Variants in GFOD1 observed in about 807,000 individuals in gnomAD.
GFOD1 encodes the protein Gfo/Idh/MocA-like oxidoreductase domain containing 1, also known as glucose-fructose oxidoreductase domain-containing protein 1.
Under a neutral mutation model 25.4 loss-of-function variants are expected in GFOD1, and 9 were observed. The observed-to-expected ratio is 0.35, with a 90% CI of 0.21 to 0.62. The LOEUF is 0.62. Among genes scored for constraint, GFOD1 ranks in the 20% least tolerant of loss-of-function variants. GFOD1 has a pLI of 0.72. For missense variants in GFOD1, 403 were observed against 556.9 expected (o/e 0.72, Z 2.78); for synonymous variants, 253 against 245.6 (o/e 1.03, Z -0.28).
At chr6:13,446,538 C>T (rs958166161) in intron 1 of GFOD1, among the ~76,000 whole-genome samples, 1 of 152,146 alleles carries the variant, frequency 6.6e-6, no homozygotes, top group East Asian at 1.9e-4. Flanking sequence ...AGAGTCTGAG[C>T]AACAGCCAAG....
At position 13,390,730 on chromosome 6, in the gene GFOD1, AAAAAG is replaced by A. The variant is rs1436107711; in HGVS notation, c.254-25073_254-25069del. On this transcript the variant is annotated intron_variant, in intron 1 of 1. Transcript: ENST00000379287. ...GACAGTGAGACCCTGTGAAAAAAAA[AAAAAG>A]AAAGAAAGACAGGAAGAGAGAGAGA... Among the ~76,000 whole-genome samples the A allele has an allele frequency of 5.9e-3, 833 of 141,576 alleles. 19 individuals carry two copies. The highest frequency in any genetic ancestry group is 0.022 in the African/African-American group (775 of 35,108). 92.9% of individuals were successfully genotyped at this position (141,576 alleles called of 152,430 possible).
rs1562209414 is a variant in GFOD1 at position 13,409,144 on chromosome 6, A to AGAGGAAAGAAAGAAAG, written c.254-43483_254-43482insCTTTCTTTCTTTCCTC. Among the ~76,000 whole-genome samples the AGAGGAAAGAAAGAAAG allele has an allele frequency of 1.3e-4, 5 of 37,394 alleles. No homozygotes were observed. The East Asian group carries it at 2.6e-3, about 20-fold the overall frequency. 24.5% of individuals were successfully genotyped at this position (37,394 alleles called of 152,430 possible). ...AAGAAAGAAAGAAAGAAAGAAAGAA[A>AGAGGAAAGAAAGAAAG]GAAAGAGAGGAAAGAAAGAAAGGAA... On this transcript the variant is annotated intron_variant, in intron 1 of 1. Transcript: ENST00000379287.
chr6:13,432,399 C>T (rs1479337430), intron 1 of GFOD1, among the ~76,000 whole-genome samples: 1 of 151,752 alleles, frequency 6.6e-6, no homozygotes, highest in African/African-American at 2.4e-5. Context: ...TTATTATTTG[C>T]AGAGATGGCA....
intron 1 of GFOD1, among the ~76,000 whole-genome samples, chr6:13,410,327 G>A (rs889121349): frequency 1.1e-4 from 17 of 152,100 alleles, no homozygotes; most frequent in African/African-American, 4.1e-4. Context: ...AGAAGGTTTG[G>A]GAGGCCAAGA....
chr6:13,459,507 G>A (rs1758254706), intron 1 of GFOD1, among the ~76,000 whole-genome samples: 1 of 151,990 alleles, frequency 6.6e-6, no homozygotes, highest in Non-Finnish European at 1.5e-5. Context: ...ATTGACAAAT[G>A]GGATCTAATT....
intron 1 of GFOD1, among the ~76,000 whole-genome samples, chr6:13,372,080 A>C (rs554338929): frequency 2.0e-5 from 3 of 152,362 alleles, no homozygotes; most frequent in East Asian, 3.9e-4. Context: ...TTAAAATTTT[A>C]AGACAATATC....
chr6:13,393,532 A>G (rs1430752096), intron 1 of GFOD1, among the ~76,000 whole-genome samples: 1 of 152,074 alleles, frequency 6.6e-6, no homozygotes, highest in Non-Finnish European at 1.5e-5. Flanking sequence ...AGAGCTCTCC[A>G]TCACGGTACC....
At chr6:13,472,487 T>C (rs1758530975) in intron 1 of GFOD1, among the ~76,000 whole-genome samples, 1 of 152,256 alleles carries the variant, frequency 6.6e-6, no homozygotes, top group South Asian at 2.1e-4. Context: ...AAGCCCTGTT[T>C]AGGTCAACAA....
At chr6:13,384,152 G>C (rs1432434579) in intron 1 of GFOD1, among the ~76,000 whole-genome samples, 1 of 152,144 alleles carries the variant, frequency 6.6e-6, no homozygotes, top group Non-Finnish European at 1.5e-5. Context: ...ACTTGAACCC[G>C]GGGATGGAGG....
chr6:13,459,678 A>G (rs1758257884), intron 1 of GFOD1, among the ~76,000 whole-genome samples: 1 of 152,220 alleles, frequency 6.6e-6, no homozygotes, highest in South Asian at 2.1e-4. Context: ...CCCCATCAAA[A>G]AGTAGGCAAA....
chr6:13,432,572 C>T (rs574299661), intron 1 of GFOD1, among the ~76,000 whole-genome samples: 1 of 152,194 alleles, frequency 6.6e-6, no homozygotes, highest in East Asian at 1.9e-4. Context: ...GGTGAATTTC[C>T]TATTTCCACG....
intron 1 of GFOD1, among the ~76,000 whole-genome samples, chr6:13,396,881 G>A (rs186434250): frequency 6.6e-6 from 1 of 152,212 alleles, no homozygotes; most frequent in African/African-American, 2.4e-5. Context: ...AGAATAATCT[G>A]TATTGTTTTA....
intron 1 of GFOD1, among the ~76,000 whole-genome samples, chr6:13,447,384 T>G (rs959598836): frequency 2.0e-5 from 3 of 152,158 alleles, no homozygotes; most frequent in African/African-American, 7.2e-5. Flanking sequence ...TCCGACATGG[T>G]GTATCAGGGC....
rs751050919 is a variant in GFOD1 at position 13,365,051 on chromosome 6, G to A, written c.865C>T (p.Leu289=). 1.6e-5 allele frequency: 25 copies of A among 1,611,000 alleles called. No individual in the cohort carries two copies. Among genetic ancestry groups the A allele is most frequent in the Non-Finnish European group, 2.1e-5 (25 of 1,179,904 alleles). Residue 289 remains leucine (L), a synonymous_variant, in exon 2 of 2, where the codon CTG becomes TTG. Coordinates refer to ENST00000379287, the MANE Select transcript of GFOD1 (RefSeq NM_018988.4). This position sits in a 1 kb window ranked among gnomAD's most constrained non-coding sequence, Gnocchi z 9.2. ...VQDATPVSNS[L]LPEKAFSDIP... ...TCGCTGAAGGCCTTCTCCGGAAGCA[G>A]GGAGTTGCTCACCGGCGTGGCGTCC...
intron 1 of GFOD1, 104 bp downstream of exon 1, chr6:13,486,533 AG>A: frequency 1.1e-6 from 1 of 902,974 alleles, no homozygotes; most frequent in South Asian, 1.6e-5. Context: ...GCGTAGATGC[AG>A]GGTAAGCTTC....
At chr6:13,400,994 T>G (rs1053295797) in intron 1 of GFOD1, among the ~76,000 whole-genome samples, 1 of 152,184 alleles carries the variant, frequency 6.6e-6, no homozygotes, top group African/African-American at 2.4e-5. Flanking sequence ...TTACTTCCCC[T>G]CAACAGGTGC....
chr6:13,419,580 G>T (rs1437940621), intron 1 of GFOD1, among the ~76,000 whole-genome samples: 1 of 152,148 alleles, frequency 6.6e-6, no homozygotes, highest in Non-Finnish European at 1.5e-5. Context: ...CCTTCCGATG[G>T]CTTTGAATAC....
rs199701343 is a variant in GFOD1 at position 13,400,061 on chromosome 6, AT to A, written c.254-34400del. On this transcript the variant is annotated intron_variant, in intron 1 of 1. Transcript: ENST00000379287. ...AATCTATACAACTGTGGGGATTCTGATTTTTTTTTTTTAAGAGGCCTCTGGC... is the reference window on the plus strand; with the variant it reads ...AATCTATACAACTGTGGGGATTCTGATTTTTTTTTTTAAGAGGCCTCTGGC... Among the ~76,000 whole-genome samples the A allele has an allele frequency of 1.8e-3, 263 of 146,662 alleles. 1 individual carries two copies. Among genetic ancestry groups the A allele is most frequent in the Middle Eastern group, 3.6e-3 (1 of 278 alleles).
At chr6:13,407,990 G>C (rs536523153) in intron 1 of GFOD1, 3 of 985,360 alleles carry the variant, frequency 3.0e-6, no homozygotes, top group Admixed American at 1.2e-4. Flanking sequence ...GCACCCAAAG[G>C]TGGGAGCACT....
Sources: gnomAD v4.1 joint callset for allele counts (sites outside exome capture counted in the v4.1 genomes callset) on GRCh38, gnomAD v4.1.1 for gene constraint, Gnocchi (gnomAD v3.1) non-coding constraint, MANE v1.5 for transcripts, NCBI Gene and HGNC (gene_info 2026-07-23, HGNC 2026-07-21) for gene names.